Variants in ZFX observed in about 807,000 individuals in gnomAD.
ZFX encodes zinc finger protein X-linked.
For missense variants in ZFX, 362 were observed against 628.3 expected (o/e 0.58, Z 4.53); for synonymous variants, 196 against 226.8 (o/e 0.86, Z 1.22).
chrX:24,169,717 A>G (rs766411987), intron 3 of ZFX, among the ~76,000 whole-genome samples: 5 of 110,939 alleles, frequency 4.5e-5, no homozygotes, highest in Non-Finnish European at 7.5e-5. Context: ...TTTTATCCGG[A>G]TGAGAATATT....
At position 24,213,464 on chromosome X, in the gene ZFX, A is replaced by ATGTT. The variant is rs1235335120; in HGVS notation, c.*2092_*2095dup. The ATGTT allele has an allele frequency of 9.0e-6, 1 of 111,031 alleles. No individual in the cohort carries two copies. Among genetic ancestry groups the ATGTT allele is most frequent in the Non-Finnish European group, 1.9e-5 (1 of 52,980 alleles). The allele number at this position is 111,031 out of a possible 1,213,427, so 9.2% of individuals were successfully genotyped here. A position where few individuals can be genotyped will look rare whatever the true frequency, so the allele number is the denominator to read the frequency against. ...CCTTTCATCTTTCTCTTTGCCATTG[A>ATGTT]TGTTTGTATTCAAGAGTTATATTTT... On this transcript the variant is annotated 3_prime_UTR_variant, in exon 10 of 10. Coordinates refer to ENST00000304543, the MANE Select transcript of ZFX (RefSeq NM_003410.4).
At chrX:24,179,878 T>A in intron 5 of ZFX, 108 bp downstream of exon 5, 1 of 701,279 alleles carries the variant, frequency 1.4e-6, no homozygotes, top group South Asian at 2.7e-5. Flanking sequence ...AAAGTAAATC[T>A]CATAGACCTA....
chrX:24,165,824 AT>A lies in ZFX; in HGVS notation c.-28-6888del, dbSNP rs201797611. 2.8e-3 allele frequency among the ~76,000 whole-genome samples: 314 copies of A among 112,476 alleles called. 3 individuals are homozygous for A. Among genetic ancestry groups the A allele is most frequent in the African/African-American group, 8.4e-3 (262 of 31,019 alleles). ...CTTCAGTAGAGGAAACGTGAATAGAATTTCTTTTCAGAATTTCAGCAAAAAC... is the reference window on the plus strand; with the variant it reads ...CTTCAGTAGAGGAAACGTGAATAGAATTCTTTTCAGAATTTCAGCAAAAAC... On this transcript the variant is annotated intron_variant, in intron 3 of 9. Coordinates refer to ENST00000304543, the MANE Select transcript of ZFX (RefSeq NM_003410.4).
At chrX:24,176,707 C>T (rs1365993925) in intron 4 of ZFX, among the ~76,000 whole-genome samples, 1 of 109,686 alleles carries the variant, frequency 9.1e-6, no homozygotes, top group Non-Finnish European at 1.9e-5. Flanking sequence ...GCTGGGATTA[C>T]AAGGCGTGAG....
At chrX:24,171,904 AG>A (rs1246836274) in intron 3 of ZFX, among the ~76,000 whole-genome samples, 3 of 97,324 alleles carry the variant, frequency 3.1e-5, no homozygotes, top group African/African-American at 1.2e-4. Flanking sequence ...CAGAGAGAGA[AG>A]GAGAGAGAGA....
intron 3 of ZFX, among the ~76,000 whole-genome samples, chrX:24,158,958 T>C (rs912968707): frequency 9.0e-6 from 1 of 110,818 alleles, no homozygotes; most frequent in African/African-American, 3.3e-5. Flanking sequence ...TTGCTACATC[T>C]ATTGGCGTGA....
At chrX:24,163,268 T>A (rs1196298819) in intron 3 of ZFX, among the ~76,000 whole-genome samples, 2 of 104,397 alleles carry the variant, frequency 1.9e-5, no homozygotes, top group Non-Finnish European at 3.9e-5. Flanking sequence ...CTTTTTTTTT[T>A]TTTTTTTTTT....
chrX:24,161,047 A>G (rs1032080064), intron 3 of ZFX, among the ~76,000 whole-genome samples: 11 of 111,910 alleles, frequency 9.8e-5, no homozygotes, highest in African/African-American at 3.6e-4. Flanking sequence ...CTTGGGGAAC[A>G]TTGAGATGCA....
chrX:24,210,499 G>T lies in ZFX; in HGVS notation c.1541G>T (p.Gly514Val), dbSNP rs921619691. The T allele has an allele frequency of 8.3e-7, 1 of 1,211,811 alleles. No individual in the cohort carries two copies. Among genetic ancestry groups the T allele is most frequent in the African/African-American group, 1.7e-5 (1 of 57,768 alleles). Residue 514 changes from glycine (G) to valine (V), a missense_variant, in exon 10 of 10, where the codon GGA becomes GTA. By Grantham distance (109) the Gly-to-Val change is moderately radical. Transcript: ENST00000304543. ...CACAAAATGGTGCATAAGGAAAAAG[G>T]AGCCAACAAAATGCACAAGTGTAAA... Reference protein sequence around the residue: ...FTHKMVHKEKGANKMHKCKFC... With the variant: ...FTHKMVHKEKVANKMHKCKFC...
intron 4 of ZFX, chrX:24,177,727 A>G (rs748384263): frequency 2.3e-5 from 17 of 751,731 alleles, no homozygotes; most frequent in Admixed American, 9.0e-5. Flanking sequence ...TAGATGGAGC[A>G]TATTGGTGGT....
rs1242632610 is a variant in ZFX, at chrX:24,212,342, A to G, written c.*966A>G. ...TTAAAATCTATAATGAAAAGTATTA[A>G]ATTTACAATAACATGAAAGATCCAG... On this transcript the variant is annotated 3_prime_UTR_variant, in exon 10 of 10. Coordinates refer to ENST00000304543, the MANE Select transcript of ZFX (RefSeq NM_003410.4). 1 of 112,350 alleles carries G rather than the reference A, an allele frequency of 8.9e-6. No individual in the cohort carries two copies. The highest frequency in any genetic ancestry group is 3.2e-5 in the African/African-American group (1 of 30,831). The allele number at this position is 112,350 out of a possible 1,213,427, so 9.3% of individuals were successfully genotyped here. A position where few individuals can be genotyped will look rare whatever the true frequency, so the allele number is the denominator to read the frequency against.
intron 3 of ZFX, among the ~76,000 whole-genome samples, chrX:24,164,807 C>T (rs1933835038): frequency 9.1e-6 from 1 of 109,410 alleles, no homozygotes. Flanking sequence ...CGTGGTGGTG[C>T]ATGCCTGTAA....
intron 5 of ZFX, among the ~76,000 whole-genome samples, chrX:24,200,800 G>A (rs1022698145): frequency 8.9e-6 from 1 of 111,841 alleles, no homozygotes; most frequent in African/African-American, 3.3e-5. Context: ...CACTGACTTT[G>A]GGCAAATCAC....
In ZFX at chrX:24,179,185, G is replaced by T; in HGVS notation, c.61G>T (p.Ala21Ser). 8.3e-7 allele frequency: 1 copy of T among 1,200,405 alleles called. No individual in the cohort carries two copies. The highest frequency in any genetic ancestry group is 1.1e-6 in the Non-Finnish European group (1 of 889,542). Residue 21 changes from alanine to serine, a missense_variant and splice_region_variant, in exon 5 of 10, where the codon GCT becomes TCT. Physicochemically the swap from Ala to Ser is moderately conservative, Grantham distance 99. Transcript: ENST00000304543. Reference protein sequence around the residue: ...EPNSFFDATGADGTHMDGDQI... With the variant: ...EPNSFFDATGSDGTHMDGDQI... ...GTCATTTTAATTTTTTTTTTAAGGA[G>T]CTGATGGTACACACATGGATGGTGA...
intron 3 of ZFX, among the ~76,000 whole-genome samples, chrX:24,164,991 C>A (rs745322289): frequency 9.1e-6 from 1 of 110,319 alleles, no homozygotes. Context: ...ACCTGCAAGG[C>A]ATGATTTTTA....
chrX:24,190,434 C>T (rs1415107744), intron 5 of ZFX, among the ~76,000 whole-genome samples: 1 of 111,986 alleles, frequency 8.9e-6, no homozygotes, highest in Non-Finnish European at 1.9e-5. Context: ...GTATAATGTT[C>T]AATCTAGGTG....
rs766783661 is a variant in ZFX, at chrX:24,211,148, A to G, written c.2190A>G (p.Gln730=). 5.8e-6 allele frequency: 7 copies of G among 1,211,012 alleles called. No homozygotes were observed. Among genetic ancestry groups the G allele is most frequent in the South Asian group, 3.5e-5 (2 of 56,895 alleles). ...AGAGATGTAGAAAGGGATTTAGGCAACAGAGTGAGCTTAAAAAGCATATGA... is the reference window on the plus strand; with the variant it reads ...AGAGATGTAGAAAGGGATTTAGGCAGCAGAGTGAGCTTAAAAAGCATATGA... ...RCKRCRKGFR[Q]QSELKKHMKT... Residue 730 remains glutamine, a synonymous_variant, in exon 10 of 10, where the codon CAA becomes CAG. Transcript: ENST00000304543.
At chrX:24,156,475 A>G (rs1932791130) in intron 3 of ZFX, among the ~76,000 whole-genome samples, 1 of 111,215 alleles carries the variant, frequency 9.0e-6, no homozygotes, top group Non-Finnish European at 1.9e-5. Context: ...TGTGTGACGT[A>G]GGAATCTAAT....
chrX:24,162,332 A>G (rs764907547), intron 3 of ZFX, among the ~76,000 whole-genome samples: 1 of 112,509 alleles, frequency 8.9e-6, no homozygotes, highest in South Asian at 3.6e-4. Context: ...CTTCAAGTAT[A>G]TTAATTTTGT....
Sources: allele counts gnomAD v4.1 joint callset (sites outside exome capture counted in the v4.1 genomes callset), GRCh38; gene constraint gnomAD v4.1.1; transcripts MANE v1.5; gene names NCBI Gene and HGNC (gene_info 2026-07-23, HGNC 2026-07-21).